Variants in RAMP3 observed in about 807,000 individuals in gnomAD.
RAMP3 encodes receptor activity-modifying protein 3.
Under a neutral mutation model 13.5 loss-of-function variants are expected in RAMP3, and 14 were observed. The ratio of observed to expected loss-of-function variants is 1.04; its 90% CI spans 0.69 to 1.63. The LOEUF is 1.63. Ranked by LOEUF, RAMP3 falls within the 40% of genes most tolerant of loss-of-function variation. RAMP3 has a pLI of 0.00. For synonymous variants in RAMP3, 106 were observed against 88.3 expected (o/e 1.20, Z -1.12); for missense variants, 200 against 204.8 (o/e 0.98, Z 0.14).
At chr7:45,182,552 G>A (rs1244683263) in intron 2 of RAMP3, among the ~76,000 whole-genome samples, 1 of 152,190 alleles carries the variant, frequency 6.6e-6, no homozygotes, top group African/African-American at 2.4e-5. Flanking sequence ...TGATCTCATG[G>A]ACAGGGGGAC....
intron 1 of RAMP3, among the ~76,000 whole-genome samples, chr7:45,161,881 C>G (rs996214147): frequency 2.0e-5 from 3 of 151,796 alleles, no homozygotes; most frequent in Non-Finnish European, 4.4e-5. Context: ...TAGCCTGGCT[C>G]GTGCCCATTG....
chr7:45,164,758 T>C (rs1408490355), intron 1 of RAMP3, among the ~76,000 whole-genome samples: 2 of 152,238 alleles, frequency 1.3e-5, no homozygotes, highest in Admixed American at 6.5e-5. Context: ...TTGTCTGATA[T>C]TAATATAGCC....
chr7:45,172,660 G>A (rs940063684), intron 1 of RAMP3, among the ~76,000 whole-genome samples: 2 of 152,196 alleles, frequency 1.3e-5, no homozygotes, highest in South Asian at 4.1e-4. Context: ...ATTTTTAGTA[G>A]AGACAGGGTT....
intron 1 of RAMP3, among the ~76,000 whole-genome samples, chr7:45,171,160 C>CTT: frequency 7.0e-6 from 1 of 143,200 alleles, no homozygotes; most frequent in South Asian, 2.2e-4. Context: ...TTCCTTCTTT[C>CTT]TTTTTTTTTT....
At chr7:45,162,080 G>A (rs781463284) in intron 1 of RAMP3, among the ~76,000 whole-genome samples, 15 of 152,224 alleles carry the variant, frequency 9.9e-5, no homozygotes, top group Non-Finnish European at 5.9e-5. Flanking sequence ...GTGACTCCAC[G>A]TGGTCCCTGG....
At chr7:45,177,483 C>T (rs202162791) in intron 2 of RAMP3, 42 bp downstream of exon 2, 89 of 1,611,308 alleles carry the variant, frequency 5.5e-5, no homozygotes, top group Non-Finnish European at 6.9e-5. Flanking sequence ...CTGACCACAG[C>T]GCTGCCCACT....
intron 1 of RAMP3, among the ~76,000 whole-genome samples, chr7:45,170,976 T>A (rs1392663137): frequency 2.6e-5 from 4 of 151,924 alleles, no homozygotes; most frequent in Non-Finnish European, 2.9e-5. Flanking sequence ...TTTCTCCAAG[T>A]ACTGTTTTAG....
intron 1 of RAMP3, chr7:45,163,804 G>A: frequency 3.0e-6 from 3 of 985,384 alleles, no homozygotes; most frequent in Non-Finnish European, 3.6e-6. Context: ...GTGCCAGTGG[G>A]GCATCTGGAG....
chr7:45,183,350 C>A lies in RAMP3; in HGVS notation c.385C>A (p.Leu129Met). The change falls in exon 3 of 3, where the codon CTG becomes ATG. Residue 129 changes from leucine (L) to methionine (M), a missense_variant. Coordinates refer to ENST00000242249, the MANE Select transcript of RAMP3 (RefSeq NM_005856.3). ...LIPLIVIPVV[L>M]TVAMAGLVVW... ...CCCGCTGATCGTTATACCCGTCGTT[C>A]TGACTGTCGCCATGGCTGGCCTGGT... The A allele has an allele frequency of 6.2e-7, 1 of 1,613,930 alleles. No homozygotes were observed.
chr7:45,177,001 C>A (rs13235132), intron 1 of RAMP3, among the ~76,000 whole-genome samples: 28,357 of 152,246 alleles, frequency 0.19, 3,069 homozygotes, highest in African/African-American at 0.28. Flanking sequence ...GCCTGAGACC[C>A]TCTCACCACC....
At chr7:45,163,575 G>T (rs549066637) in intron 1 of RAMP3, 1 of 985,460 alleles carries the variant, frequency 1.0e-6, no homozygotes, top group South Asian at 4.7e-5. Flanking sequence ...CTGGAGGCTG[G>T]GGTCAGCAGT....
intron 1 of RAMP3, among the ~76,000 whole-genome samples, chr7:45,175,800 A>C (rs943053946): frequency 6.6e-6 from 1 of 152,158 alleles, no homozygotes; most frequent in Non-Finnish European, 1.5e-5. Context: ...TTTTGCTGGC[A>C]TCAGACGCTT....
chr7:45,176,885 C>T (rs1786197904), intron 1 of RAMP3, among the ~76,000 whole-genome samples: 2 of 152,216 alleles, frequency 1.3e-5, no homozygotes, highest in African/African-American at 4.8e-5. Flanking sequence ...TCCTCTGCCG[C>T]CCCTGCAGGC....
chr7:45,166,055 T>C (rs572432319), intron 1 of RAMP3, among the ~76,000 whole-genome samples: 2 of 152,356 alleles, frequency 1.3e-5, no homozygotes, highest in South Asian at 4.1e-4. Context: ...AGTCATATGG[T>C]AACTCTACGT....
At chr7:45,158,261 G>A (rs1785798082) in intron 1 of RAMP3, among the ~76,000 whole-genome samples, 1 of 152,238 alleles carries the variant, frequency 6.6e-6, no homozygotes, top group Non-Finnish European at 1.5e-5. Flanking sequence ...AGGGTGGGCT[G>A]TCTGTAAGGT....
At chr7:45,174,957 G>A (rs765693096) in intron 1 of RAMP3, among the ~76,000 whole-genome samples, 5 of 152,224 alleles carry the variant, frequency 3.3e-5, no homozygotes, top group African/African-American at 4.8e-5. Context: ...GGTTGACAGT[G>A]GGTACTGAGC....
chr7:45,173,938 C>T (rs3779401), intron 1 of RAMP3, among the ~76,000 whole-genome samples: 8,527 of 152,138 alleles, frequency 0.056, 312 homozygotes, highest in East Asian at 0.099. Flanking sequence ...TATAGCAGAG[C>T]CTCGACAGCA....
In RAMP3 at chr7:45,183,253, C is replaced by A. The variant is rs1786355471; in HGVS notation, c.288C>A (p.Ile96=). 1 of 1,614,014 alleles carries A rather than the reference C, an allele frequency of 6.2e-7. No homozygotes were observed. Among genetic ancestry groups the A allele is most frequent in the Non-Finnish European group, 8.5e-7 (1 of 1,180,028 alleles). The stretch of plus-strand genomic sequence containing the variant: ...TGGCCCAGGGCTTCATCACCGGCAT[C>A]CACAGGCAGTTCTTCTCCAACTGCA... The part of the protein sequence containing the change: ...NPLAQGFITG[I]HRQFFSNCTV... The change falls in exon 3 of 3, where the codon ATC becomes ATA. Residue 96 remains isoleucine (I), a synonymous_variant. Transcript: ENST00000242249.
In RAMP3 at chr7:45,163,258, G is replaced by A. The variant is rs374147536; in HGVS notation, c.58+5372G>A. Reference sequence around the variant, plus strand: ...AGATGACAGTGCCCAGAGGAACTAGGGATAGAGCCCCCAAGCCTCAGGGCT... The same window carrying A: ...AGATGACAGTGCCCAGAGGAACTAGAGATAGAGCCCCCAAGCCTCAGGGCT... On this transcript the variant is annotated intron_variant, in intron 1 of 2. Coordinates refer to ENST00000242249, the MANE Select transcript of RAMP3 (RefSeq NM_005856.3). 10 of 985,438 alleles carry A rather than the reference G, an allele frequency of 1.0e-5. No individual in the cohort carries two copies. In the East Asian group the frequency reaches 6.8e-4, roughly 67 times the overall value. 61.0% of individuals were successfully genotyped at this position (985,438 alleles called of 1,614,324 possible).
Sources: allele counts gnomAD v4.1 joint callset (sites outside exome capture counted in the v4.1 genomes callset), GRCh38; gene constraint gnomAD v4.1.1; transcripts MANE v1.5; gene names NCBI Gene and HGNC (gene_info 2026-07-23, HGNC 2026-07-21).